Variants in SGCZ observed in about 807,000 individuals in gnomAD.
The protein encoded by SGCZ is zeta-sarcoglycan.
SGCZ carries 40 observed loss-of-function variants against 41.3 expected under a neutral mutation model. The ratio of observed to expected loss-of-function variants is 0.97; its 90% CI spans 0.75 to 1.26. The LOEUF (loss-of-function observed/expected upper bound fraction) is 1.26, where lower values mean the gene tolerates loss of function less well. Ranked by LOEUF, SGCZ falls within the 50% of genes most tolerant of loss-of-function variation. The pLI is 0.00. For missense variants in SGCZ, 552 were observed against 369.8 expected (o/e 1.49, Z -4.04); for synonymous variants, 206 against 137.5 (o/e 1.50, Z -3.49).
chr8:14,938,344 C>G (rs1220357116), intron 1 of SGCZ, among the ~76,000 whole-genome samples: 1 of 152,148 alleles, frequency 6.6e-6, no homozygotes, highest in East Asian at 1.9e-4. Context: ...TCTTCCACCT[C>G]TGCCGCTCCT....
intron 2 of SGCZ, among the ~76,000 whole-genome samples, chr8:14,520,508 A>G (rs1007534544): frequency 3.3e-5 from 5 of 152,184 alleles, no homozygotes; most frequent in African/African-American, 1.2e-4. Context: ...AATATATTTT[A>G]AAATGTAACA....
intron 1 of SGCZ, among the ~76,000 whole-genome samples, chr8:15,034,946 G>A (rs1036333861): frequency 2.6e-5 from 4 of 152,124 alleles, no homozygotes; most frequent in African/African-American, 9.7e-5. Context: ...TGTCTCCTAA[G>A]AAAGCCTATT....
intron 1 of SGCZ, among the ~76,000 whole-genome samples, chr8:14,562,172 G>T (rs1018078337): frequency 6.6e-6 from 1 of 152,070 alleles, no homozygotes; most frequent in African/African-American, 2.4e-5. Context: ...CAAAATATTA[G>T]TGCCCAGGAA....
chr8:15,100,257 C>T (rs902097963), intron 1 of SGCZ, among the ~76,000 whole-genome samples: 2 of 151,962 alleles, frequency 1.3e-5, no homozygotes, highest in African/African-American at 2.4e-5. Flanking sequence ...AGCAAGGTTG[C>T]AGGATACAAA....
At chr8:14,425,437 A>G (rs963213369) in intron 2 of SGCZ, among the ~76,000 whole-genome samples, 2 of 152,062 alleles carry the variant, frequency 1.3e-5, no homozygotes, top group Non-Finnish European at 2.9e-5. Context: ...TCTGGCCAAC[A>G]TGATGAAACC....
intron 3 of SGCZ, among the ~76,000 whole-genome samples, chr8:14,262,083 T>A (rs1281455656): frequency 6.6e-6 from 1 of 152,182 alleles, no homozygotes; most frequent in African/African-American, 2.4e-5. Flanking sequence ...TGTGACACAT[T>A]ACTCCTTGCA....
At chr8:15,071,030 C>T (rs1461897514) in intron 1 of SGCZ, among the ~76,000 whole-genome samples, 1 of 152,036 alleles carries the variant, frequency 6.6e-6, no homozygotes, top group African/African-American at 2.4e-5. Context: ...GCTAGTAATA[C>T]CTAAGAAGAA....
At chr8:14,677,310 A>T (rs1328750959) in intron 1 of SGCZ, among the ~76,000 whole-genome samples, 1 of 152,134 alleles carries the variant, frequency 6.6e-6, no homozygotes, top group Non-Finnish European at 1.5e-5. Context: ...TCAAATAACT[A>T]GAAAATGAAG....
At position 14,536,188 on chromosome 8, in the gene SGCZ, C is replaced by G. The variant is rs117975230; in HGVS notation, c.234+18544G>C. 7.8e-3 allele frequency among the ~76,000 whole-genome samples: 1,191 copies of G among 151,890 alleles called. 6 individuals are homozygous for G. The highest frequency in any genetic ancestry group is 0.017 in the Middle Eastern group (5 of 294). ...ACATTTTTGTCTTTGCAATTATACT[C>G]TAATGAAAAGGTACATTTCCAGACA... is the stretch of plus-strand genomic sequence containing the variant. On this transcript the variant is annotated intron_variant, in intron 2 of 7. Transcript: ENST00000382080.
intron 3 of SGCZ, among the ~76,000 whole-genome samples, chr8:14,285,433 C>T (rs1299522836): frequency 6.6e-6 from 1 of 152,096 alleles, no homozygotes; most frequent in Non-Finnish European, 1.5e-5. Flanking sequence ...GCCTTTCGAA[C>T]TGGATCCAGA....
chr8:14,989,694 G>A (rs1049676536), intron 1 of SGCZ, among the ~76,000 whole-genome samples: 1 of 152,136 alleles, frequency 6.6e-6, no homozygotes, highest in African/African-American at 2.4e-5. Context: ...ACCCTCACTT[G>A]TCAAGGTTAG....
At chr8:15,221,409 G>T (rs537253843) in intron 1 of SGCZ, among the ~76,000 whole-genome samples, 1 of 152,224 alleles carries the variant, frequency 6.6e-6, no homozygotes, top group African/African-American at 2.4e-5. Flanking sequence ...TCTCATCTCT[G>T]ATCTGCCTCA....
At chr8:15,090,141 G>C (rs1318696734) in intron 1 of SGCZ, among the ~76,000 whole-genome samples, 1 of 152,108 alleles carries the variant, frequency 6.6e-6, no homozygotes, top group Non-Finnish European at 1.5e-5. Context: ...GAAAAATTCT[G>C]GTTGAATGTT....
chr8:15,196,507 A>G (rs566692258), intron 1 of SGCZ, among the ~76,000 whole-genome samples: 13 of 152,200 alleles, frequency 8.5e-5, no homozygotes, highest in Non-Finnish European at 1.6e-4. Flanking sequence ...ATTATACTCC[A>G]TTAGGTTAAA....
At chr8:14,592,619 CA>C (rs1563138211) in intron 1 of SGCZ, among the ~76,000 whole-genome samples, 7 of 151,582 alleles carry the variant, frequency 4.6e-5, no homozygotes, top group Admixed American at 2.0e-4. Context: ...TAAAACCAAA[CA>C]AAAAAACAAA....
At chr8:15,076,721 A>G (rs1805544262) in intron 1 of SGCZ, among the ~76,000 whole-genome samples, 1 of 150,384 alleles carries the variant, frequency 6.6e-6, no homozygotes, top group African/African-American at 2.5e-5. Flanking sequence ...AAAGTACTTG[A>G]GTACACTCAA....
chr8:15,233,020 A>C (rs1802005533), intron 1 of SGCZ, among the ~76,000 whole-genome samples: 1 of 151,900 alleles, frequency 6.6e-6, no homozygotes, highest in African/African-American at 2.4e-5. Context: ...CCTGTTTCTA[A>C]GTCTTTGTGA....
At chr8:14,814,615 T>C (rs1009043517) in intron 1 of SGCZ, among the ~76,000 whole-genome samples, 2 of 152,166 alleles carry the variant, frequency 1.3e-5, no homozygotes, top group Non-Finnish European at 2.9e-5. Flanking sequence ...ATAGGATTAT[T>C]TTAAGAGTTC....
At chr8:14,469,566 A>C (rs1206750358) in intron 2 of SGCZ, among the ~76,000 whole-genome samples, 1 of 152,082 alleles carries the variant, frequency 6.6e-6, no homozygotes, top group Non-Finnish European at 1.5e-5. Flanking sequence ...GGAATCTTTG[A>C]AGTGGTGTCT....
Sources: gnomAD v4.1 joint callset for allele counts (sites outside exome capture counted in the v4.1 genomes callset) on GRCh38, gnomAD v4.1.1 for gene constraint, MANE v1.5 for transcripts, NCBI Gene and HGNC (gene_info 2026-07-23, HGNC 2026-07-21) for gene names.